TIMP2: variants seen among roughly 807,000 people sequenced by gnomAD.
TIMP2 encodes TIMP metallopeptidase inhibitor 2, also known as metalloproteinase inhibitor 2.
A neutral mutation model predicts 24.3 loss-of-function variants in TIMP2; 5 were observed. That is an observed-to-expected ratio of 0.21 (90% CI 0.11 to 0.43). The LOEUF (loss-of-function observed/expected upper bound fraction) is 0.43, where lower values mean the gene tolerates loss of function less well. TIMP2 is among the 20% of genes least tolerant of loss of function. The pLI is 1.00. For synonymous variants in TIMP2, 130 were observed against 123.2 expected (o/e 1.06, Z -0.37); for missense variants, 221 against 297.5 (o/e 0.74, Z 1.89).
At chr17:78,914,351 C>T (rs1014623640) in intron 1 of TIMP2, among the ~76,000 whole-genome samples, 17 of 152,110 alleles carry the variant, frequency 1.1e-4, no homozygotes, top group Non-Finnish European at 2.1e-4. Flanking sequence ...GGCCCGATCT[C>T]GGCTCACTGC....
In TIMP2 at chr17:78,896,992, G is replaced by A. The variant is rs985615349; in HGVS notation, c.131-23073C>T. 20 of 985,220 alleles carry A rather than the reference G, an allele frequency of 2.0e-5. No homozygotes were observed. The Admixed American group carries it at 4.3e-4, about 21-fold the overall frequency. 61.0% of individuals were successfully genotyped at this position (985,220 alleles called of 1,614,324 possible). A position where few individuals can be genotyped will look rare whatever the true frequency, so the allele number is the denominator to read the frequency against. On this transcript the variant is annotated intron_variant, in intron 1 of 4. Coordinates refer to ENST00000262768, the MANE Select transcript of TIMP2 (RefSeq NM_003255.5). The surrounding 1 kb of genome is among the most constrained non-coding windows in gnomAD (Gnocchi z 4.4). ...CTTGAGAATGACGTCCAAGCAGCTC[G>A]CCTTTCCCTGGGCGGCCGCTCAGAC... is the stretch of plus-strand genomic sequence containing the variant.
intron 2 of TIMP2, 68 bp downstream of exon 2, chr17:78,873,751 C>T: frequency 7.3e-7 from 1 of 1,376,700 alleles, no homozygotes; most frequent in Non-Finnish European, 1.0e-6. Context: ...GACCCAGGCT[C>T]TCTGCCAACC....
chr17:78,920,916 G>A lies in TIMP2; in HGVS notation c.130+4043C>T, dbSNP rs558136487. ...TGTCTTGCTTCTCCCTTACATCCCC[G>A]GGGGCAGAGGCAGCCACTCCATAAT... On this transcript the variant is annotated intron_variant, in intron 1 of 4. Transcript: ENST00000262768. The surrounding 1 kb of genome is among the most constrained non-coding windows in gnomAD (Gnocchi z 4.5). Among the ~76,000 whole-genome samples the A allele has an allele frequency of 2.6e-5, 4 of 152,118 alleles. No individual in the cohort carries two copies. Among genetic ancestry groups the A allele is most frequent in the South Asian group, 4.2e-4 (2 of 4,812 alleles).
At chr17:78,860,979 A>G (rs967817357) in intron 3 of TIMP2, among the ~76,000 whole-genome samples, 7 of 151,718 alleles carry the variant, frequency 4.6e-5, no homozygotes, top group African/African-American at 1.2e-4. Flanking sequence ...GAAGTTACAA[A>G]GAGCCAAGAT....
intron 1 of TIMP2, among the ~76,000 whole-genome samples, chr17:78,876,121 C>T (rs35875404): frequency 0.17 from 25,345 of 152,038 alleles, 2,225 homozygotes; most frequent in South Asian, 0.23. Flanking sequence ...TCTCATCCAC[C>T]GCAACCAGCT....
chr17:78,889,465 ATGT>A (rs2145766355), intron 1 of TIMP2, among the ~76,000 whole-genome samples: 1 of 152,342 alleles, frequency 6.6e-6, no homozygotes, highest in South Asian at 2.1e-4. Flanking sequence ...TATTTAAACA[ATGT>A]TGGTTTTGTT....
chr17:78,872,496 C>CT (rs1007436610), intron 2 of TIMP2, among the ~76,000 whole-genome samples: 1 of 152,102 alleles, frequency 6.6e-6, no homozygotes, highest in African/African-American at 2.4e-5. Flanking sequence ...TTTTTTCCCC[C>CT]CGAAGAGTTT....
intron 1 of TIMP2, among the ~76,000 whole-genome samples, chr17:78,918,846 A>G (rs1444821961): frequency 6.6e-6 from 1 of 152,064 alleles, no homozygotes; most frequent in Non-Finnish European, 1.5e-5. Flanking sequence ...AAAAAATTAA[A>G]AAAATTAGCT....
chr17:78,912,804 T>C (rs1214015864), intron 1 of TIMP2, among the ~76,000 whole-genome samples: 2 of 152,212 alleles, frequency 1.3e-5, no homozygotes, highest in Admixed American at 6.5e-5. Context: ...ATTTAGACTT[T>C]GAGGCCCATA....
chr17:78,889,169 A>T (rs1388287671), intron 1 of TIMP2, among the ~76,000 whole-genome samples: 1 of 152,220 alleles, frequency 6.6e-6, no homozygotes, highest in Non-Finnish European at 1.5e-5. Flanking sequence ...GCAAAGGCTA[A>T]AATATTTACT....
intron 2 of TIMP2, among the ~76,000 whole-genome samples, chr17:78,872,464 T>G (rs2069694050): frequency 6.6e-6 from 1 of 152,166 alleles, no homozygotes. Flanking sequence ...AATGGCATTT[T>G]CTCAGCACTC....
intron 3 of TIMP2, among the ~76,000 whole-genome samples, chr17:78,859,531 T>C (rs1490908887): frequency 2.6e-5 from 4 of 151,658 alleles, no homozygotes; most frequent in Admixed American, 2.0e-4. Flanking sequence ...GGCGTGGTGA[T>C]GCATGCCTGT....
chr17:78,856,500 G>A (rs1463438516), intron 4 of TIMP2: 1 of 154,310 alleles, frequency 6.5e-6, no homozygotes, highest in African/African-American at 2.4e-5. Flanking sequence ...AATCCCCACA[G>A]CCTCACCAGA....
chr17:78,855,004 C>T lies in TIMP2; in HGVS notation c.*663G>A, dbSNP rs2069514143. ...CGCAGCTCAGCTGGGGTTTCTCGCT[C>T]CCATTTCTACAAGGCTCAGAGGGAG... On this transcript the variant is annotated 3_prime_UTR_variant, in exon 5 of 5. Coordinates refer to ENST00000262768, the MANE Select transcript of TIMP2 (RefSeq NM_003255.5). The surrounding 1 kb of genome is among the most constrained non-coding windows in gnomAD (Gnocchi z 6.0). The T allele has an allele frequency of 6.6e-6, 1 of 152,094 alleles. No individual in the cohort carries two copies. Among genetic ancestry groups the T allele is most frequent in the Non-Finnish European group, 1.5e-5 (1 of 68,178 alleles). 9.4% of individuals were successfully genotyped at this position (152,094 alleles called of 1,614,324 possible).
chr17:78,909,622 C>T (rs2070190320), intron 1 of TIMP2, among the ~76,000 whole-genome samples: 1 of 152,174 alleles, frequency 6.6e-6, no homozygotes, highest in Non-Finnish European at 1.5e-5. Context: ...GATTATGTCA[C>T]CTTCCCAGTG....
chr17:78,879,542 CGA>C (rs765953784), intron 1 of TIMP2, among the ~76,000 whole-genome samples: 1 of 152,156 alleles, frequency 6.6e-6, no homozygotes, highest in Non-Finnish European at 1.5e-5. Flanking sequence ...TCCATGCCCC[CGA>C]GAGGGGCTGC....
At chr17:78,923,391 C>G (rs947146526) in intron 1 of TIMP2, among the ~76,000 whole-genome samples, 3 of 924 alleles carry the variant, frequency 3.2e-3, no homozygotes, top group African/African-American at 0.01. Flanking sequence ...GTGTGTGGGG[C>G]GGGGTGGGGG....
intron 1 of TIMP2, among the ~76,000 whole-genome samples, chr17:78,885,779 G>GT (rs1387747539): frequency 6.6e-6 from 1 of 152,198 alleles, no homozygotes; most frequent in Admixed American, 6.5e-5. Context: ...CTGGCAAATG[G>GT]CAGAGCCAGG....
intron 3 of TIMP2, among the ~76,000 whole-genome samples, chr17:78,866,064 C>T (rs1286167259): frequency 6.6e-6 from 1 of 152,194 alleles, no homozygotes; most frequent in Non-Finnish European, 1.5e-5. Context: ...GATTCTGTCT[C>T]CTTTCTTGTC....
Sources: gnomAD v4.1 joint callset for allele counts (sites outside exome capture counted in the v4.1 genomes callset) on GRCh38, gnomAD v4.1.1 for gene constraint, Gnocchi (gnomAD v3.1) non-coding constraint, MANE v1.5 for transcripts, NCBI Gene and HGNC (gene_info 2026-07-23, HGNC 2026-07-21) for gene names.